The following SGIP1 variants were observed in gnomAD, a reference collection of about 807,000 sequenced individuals.
SGIP1 encodes the protein SH3-containing GRB2-like protein 3-interacting protein 1.
In SGIP1, 38 loss-of-function variants were observed where a neutral mutation model predicts 107.5. That is an observed-to-expected ratio of 0.35 (90% CI 0.27 to 0.46). The LOEUF is 0.46. Among genes scored for constraint, SGIP1 ranks in the 20% least tolerant of loss-of-function variants. The pLI, the probability that SGIP1 is intolerant of heterozygous loss-of-function variation, is 1.00. For synonymous variants in SGIP1, 365 were observed against 366.1 expected (o/e 1.00, Z 0.03); for missense variants, 929 against 1,019.5 (o/e 0.91, Z 1.21).
chr1:66,742,460 C>CTTTTTTTTTTTT lies in SGIP1; in HGVS notation c.2465-597_2465-586dup. On this transcript the variant is annotated intron_variant, in intron 24 of 24. Coordinates refer to ENST00000371037, the MANE Select transcript of SGIP1 (RefSeq NM_032291.4). ...AATATAAGTTATATGAGCACCCTTT[C>CTTTTTTTTTTTT]TTTTTTTTTTTTTTTTTTTTTTTTT... Among the ~76,000 whole-genome samples the CTTTTTTTTTTTT allele has an allele frequency of 2.5e-3, 111 of 45,110 alleles. 35 individuals are homozygous for CTTTTTTTTTTTT. The highest frequency in any genetic ancestry group is 3.3e-3 in the Non-Finnish European group (75 of 23,016). 29.6% of individuals were successfully genotyped at this position (45,110 alleles called of 152,430 possible). A position where few individuals can be genotyped will look rare whatever the true frequency, so the allele number is the denominator to read the frequency against.
intron 1 of SGIP1, among the ~76,000 whole-genome samples, chr1:66,558,989 C>G (rs1215915203): frequency 6.6e-6 from 1 of 151,932 alleles, no homozygotes. Context: ...CTTCCATGCC[C>G]TTTATTTCAT....
intron 11 of SGIP1, 115 bp from the exon 12 acceptor site, chr1:66,673,166 C>G: frequency 9.9e-7 from 1 of 1,012,980 alleles, no homozygotes; most frequent in Non-Finnish European, 1.6e-6. Context: ...CATGCATGCA[C>G]TGGTGCACAC....
chr1:66,659,011 C>T (rs2080345787), intron 7 of SGIP1, among the ~76,000 whole-genome samples: 1 of 152,140 alleles, frequency 6.6e-6, no homozygotes, highest in African/African-American at 2.4e-5. Context: ...GAGAGTGCAG[C>T]GAAGTGCAGG....
intron 1 of SGIP1, among the ~76,000 whole-genome samples, chr1:66,552,404 G>A (rs1035436260): frequency 4.6e-5 from 7 of 151,982 alleles, no homozygotes; most frequent in Non-Finnish European, 8.8e-5. Context: ...GCTCATTTGC[G>A]CCATCACACT....
intron 1 of SGIP1, among the ~76,000 whole-genome samples, chr1:66,545,660 G>A (rs1405088694): frequency 6.6e-6 from 1 of 151,714 alleles, no homozygotes; most frequent in African/African-American, 2.4e-5. Flanking sequence ...GTGTGTGTGT[G>A]TGTGTGTGTA....
chr1:66,568,629 G>A (rs922056218), intron 1 of SGIP1, among the ~76,000 whole-genome samples: 6 of 151,938 alleles, frequency 3.9e-5, no homozygotes, highest in African/African-American at 1.5e-4. Context: ...TCAGCTATTG[G>A]TTTGTCATAA....
chr1:66,608,829 C>G (rs1316612453), intron 1 of SGIP1, among the ~76,000 whole-genome samples: 1 of 152,208 alleles, frequency 6.6e-6, no homozygotes, highest in Non-Finnish European at 1.5e-5. Flanking sequence ...CCTTATCTCA[C>G]CTTTCCTTCT....
At chr1:66,708,272 C>A (rs1237929812) in intron 18 of SGIP1, among the ~76,000 whole-genome samples, 5 of 152,080 alleles carry the variant, frequency 3.3e-5, no homozygotes, top group African/African-American at 1.2e-4. Context: ...TTTAGCACAG[C>A]GGCCATCGTA....
chr1:66,732,567 C>A (rs983618624), intron 20 of SGIP1, among the ~76,000 whole-genome samples: 2 of 151,820 alleles, frequency 1.3e-5, no homozygotes, highest in Non-Finnish European at 2.9e-5. Context: ...TGAGACTTGG[C>A]CACTCTTTCC....
chr1:66,729,539 T>C, intron 20 of SGIP1, 120 bp downstream of exon 20: 1 of 1,285,480 alleles, frequency 7.8e-7, no homozygotes, highest in South Asian at 1.5e-5. Flanking sequence ...CACTCAGATA[T>C]ATTTGTAGAT....
At chr1:66,739,226 TCTCA>T (rs1475574286) in intron 21 of SGIP1, 105 bp from the exon 22 acceptor site, 5 of 1,206,026 alleles carry the variant, frequency 4.1e-6, no homozygotes, top group African/African-American at 3.3e-5. Context: ...TCACGGTGCC[TCTCA>T]CTCACGGTTG....
intron 1 of SGIP1, among the ~76,000 whole-genome samples, chr1:66,622,796 A>G (rs950464354): frequency 1.3e-5 from 2 of 152,214 alleles, no homozygotes; most frequent in African/African-American, 4.8e-5. Flanking sequence ...TGGCAAGGGA[A>G]GAGTCATCAC....
intron 2 of SGIP1, among the ~76,000 whole-genome samples, chr1:66,626,602 C>G (rs2072858386): frequency 6.6e-6 from 1 of 152,208 alleles, no homozygotes; most frequent in South Asian, 2.1e-4. Context: ...TTGAATTCTC[C>G]TGCAGAAGTA....
At chr1:66,701,627 CAGTTCT>C (rs2091920718) in intron 18 of SGIP1, among the ~76,000 whole-genome samples, 1 of 152,142 alleles carries the variant, frequency 6.6e-6, no homozygotes, top group South Asian at 2.1e-4. Flanking sequence ...TTCTATCAGG[CAGTTCT>C]GCCGAGGATT....
At chr1:66,548,521 T>A (rs181234488) in intron 1 of SGIP1, among the ~76,000 whole-genome samples, 1 of 152,126 alleles carries the variant, frequency 6.6e-6, no homozygotes, top group East Asian at 1.9e-4. Context: ...ATATTAGAGA[T>A]CCAAGGGTAT....
chr1:66,680,823 A>G (rs1204714943), intron 14 of SGIP1, among the ~76,000 whole-genome samples: 2 of 152,238 alleles, frequency 1.3e-5, no homozygotes, highest in Non-Finnish European at 2.9e-5. Context: ...CATATAGCCC[A>G]AGAGTTATAT....
chr1:66,728,047 T>C (rs1033195268), intron 19 of SGIP1, among the ~76,000 whole-genome samples: 2 of 151,512 alleles, frequency 1.3e-5, no homozygotes, highest in African/African-American at 4.8e-5. Context: ...AAGCCTTTTT[T>C]AAAAAAAAAG....
chr1:66,701,383 T>C (rs535276747), intron 18 of SGIP1, among the ~76,000 whole-genome samples: 1 of 152,178 alleles, frequency 6.6e-6, no homozygotes, highest in Non-Finnish European at 1.5e-5. Flanking sequence ...ATCACAGCAT[T>C]AAGTACCAGG....
intron 1 of SGIP1, among the ~76,000 whole-genome samples, chr1:66,619,916 A>T (rs2070499897): frequency 6.6e-6 from 1 of 152,186 alleles, no homozygotes; most frequent in Non-Finnish European, 1.5e-5. Context: ...ATAAAACTAA[A>T]CAAGCAAAAA....
Sources: gnomAD v4.1 joint callset for allele counts (sites outside exome capture counted in the v4.1 genomes callset) on GRCh38, gnomAD v4.1.1 for gene constraint, MANE v1.5 for transcripts, NCBI Gene and HGNC (gene_info 2026-07-23, HGNC 2026-07-21) for gene names.